The following DISC1 variants were observed in gnomAD, a reference collection of about 807,000 sequenced individuals.
The protein encoded by DISC1 is disrupted in schizophrenia 1 protein.
Under a neutral mutation model 84.5 loss-of-function variants are expected in DISC1, and 57 were observed. That is an observed-to-expected ratio of 0.67 (90% confidence interval 0.55 to 0.84). DISC1 has a LOEUF of 0.84. Ranked by LOEUF, DISC1 falls within the 40% of genes least tolerant of loss-of-function variation. The probability of loss-of-function intolerance (pLI) is 0.00; values close to 1 mark genes in which losing one functional copy is unlikely to be tolerated. For missense variants in DISC1, 1,000 were observed against 1,057.8 expected, an observed-to-expected ratio of 0.95 and a Z score of 0.76; for synonymous variants, 411 against 415.2, an observed-to-expected ratio of 0.99 and a Z score of 0.12.
chr1:232,035,096 C>T (rs185190798), intron 12 of DISC1, among the ~76,000 whole-genome samples: 2 of 152,196 alleles, frequency 1.3e-5, no homozygotes, highest in East Asian at 1.9e-4. Context: ...TGGTTCAGCA[C>T]GTTTGCTTAG....
At chr1:231,911,809 A>G (rs960576464) in intron 9 of DISC1, among the ~76,000 whole-genome samples, 1 of 152,100 alleles carries the variant, frequency 6.6e-6, no homozygotes, top group Non-Finnish European at 1.5e-5. Context: ...TTTCAGGTAC[A>G]CCAATCAGAC....
chr1:231,888,505 G>A (rs577194796), intron 9 of DISC1, among the ~76,000 whole-genome samples: 2 of 151,426 alleles, frequency 1.3e-5, no homozygotes, highest in African/African-American at 4.9e-5. Flanking sequence ...AGCACTTTGG[G>A]AGGCCGAGGG....
intron 1 of DISC1, among the ~76,000 whole-genome samples, chr1:231,641,067 G>C (rs1558221854): frequency 1.3e-5 from 2 of 152,230 alleles, no homozygotes. Flanking sequence ...TGATAGGCCT[G>C]AAGGAAAAGG....
chr1:231,738,990 T>G (rs1243738173), intron 3 of DISC1, among the ~76,000 whole-genome samples: 2 of 152,216 alleles, frequency 1.3e-5, no homozygotes, highest in African/African-American at 2.4e-5. Context: ...AGCCCTGGCC[T>G]CAGCCATTTC....
intron 3 of DISC1, among the ~76,000 whole-genome samples, chr1:231,739,463 C>T (rs2072961685): frequency 1.3e-5 from 2 of 152,254 alleles, no homozygotes; most frequent in South Asian, 4.1e-4. Context: ...ACGTGTGCTG[C>T]CAGATGCCTC....
intron 9 of DISC1, among the ~76,000 whole-genome samples, chr1:231,889,381 G>T (rs201901223): frequency 3.9e-5 from 6 of 152,168 alleles, no homozygotes; most frequent in African/African-American, 1.4e-4. Flanking sequence ...GAGGAAGATC[G>T]AGTGATAGGA....
chr1:231,749,238 G>A (rs2074338348), intron 3 of DISC1, among the ~76,000 whole-genome samples: 1 of 152,128 alleles, frequency 6.6e-6, no homozygotes, highest in African/African-American at 2.4e-5. Context: ...TTTGGTGGGG[G>A]TAGGGGGGCA....
At chr1:231,938,343 C>G (rs1403344092) in intron 9 of DISC1, among the ~76,000 whole-genome samples, 2 of 152,080 alleles carry the variant, frequency 1.3e-5, no homozygotes, top group Non-Finnish European at 2.9e-5. Flanking sequence ...GAGGGAGTGA[C>G]AGTGAGGTTT....
intron 9 of DISC1, among the ~76,000 whole-genome samples, chr1:231,936,464 G>A (rs199626165): frequency 4.6e-5 from 7 of 152,138 alleles, no homozygotes; most frequent in Admixed American, 1.3e-4. Context: ...TACCCACACC[G>A]TGAAAAATAG....
At chr1:231,941,310 CCT>C (rs1267746846) in intron 9 of DISC1, among the ~76,000 whole-genome samples, 1 of 152,106 alleles carries the variant, frequency 6.6e-6, no homozygotes, top group Non-Finnish European at 1.5e-5. Flanking sequence ...ATTCCCACTG[CCT>C]GTGCCCATCC....
At chr1:231,944,599 C>T (rs1490988146) in intron 9 of DISC1, among the ~76,000 whole-genome samples, 2 of 152,110 alleles carry the variant, frequency 1.3e-5, no homozygotes, top group Non-Finnish European at 2.9e-5. Context: ...TTAAACTCTA[C>T]CTCAGGGTCA....
At chr1:231,768,394 A>T (rs2076313976) in intron 5 of DISC1, among the ~76,000 whole-genome samples, 1 of 152,178 alleles carries the variant, frequency 6.6e-6, no homozygotes, top group Admixed American at 6.5e-5. Context: ...GGGAGGAAAA[A>T]GTCAGGGCAA....
chr1:231,978,347 T>C (rs1663108473), intron 10 of DISC1, among the ~76,000 whole-genome samples: 1 of 152,186 alleles, frequency 6.6e-6, no homozygotes, highest in Non-Finnish European at 1.5e-5. Flanking sequence ...CATTACTTCA[T>C]GAGGGGGGGT....
chr1:231,952,386 A>C (rs1399813214), intron 9 of DISC1, among the ~76,000 whole-genome samples: 2 of 152,046 alleles, frequency 1.3e-5, no homozygotes, highest in Non-Finnish European at 2.9e-5. Context: ...GATCTAGAGA[A>C]TTTATATTGA....
chr1:231,672,546 GTGTT>G (rs2125469261), intron 1 of DISC1, among the ~76,000 whole-genome samples: 2 of 152,276 alleles, frequency 1.3e-5, no homozygotes, highest in South Asian at 4.1e-4. Flanking sequence ...ATTTGTTTGT[GTGTT>G]TGTTTGAAGC....
chr1:231,646,021 G>A (rs2060097657), intron 1 of DISC1, among the ~76,000 whole-genome samples: 1 of 150,568 alleles, frequency 6.6e-6, no homozygotes, highest in Non-Finnish European at 1.5e-5. Flanking sequence ...CACATCTACA[G>A]AACAGTCTAT....
At chr1:231,894,439 T>TC (rs1042803442) in intron 9 of DISC1, among the ~76,000 whole-genome samples, 3 of 152,184 alleles carry the variant, frequency 2.0e-5, no homozygotes. Flanking sequence ...TGTCTTTTTT[T>TC]CCCTCAGTGT....
At chr1:231,803,321 A>G (rs2079426206) in intron 8 of DISC1, among the ~76,000 whole-genome samples, 2 of 152,216 alleles carry the variant, frequency 1.3e-5, no homozygotes, top group Admixed American at 1.3e-4. Flanking sequence ...ACTGGTATGC[A>G]TCTCTATTAA....
At chr1:231,910,263 T>C (rs2089079878) in intron 9 of DISC1, among the ~76,000 whole-genome samples, 1 of 152,240 alleles carries the variant, frequency 6.6e-6, no homozygotes, top group Non-Finnish European at 1.5e-5. Context: ...TTAATTGTGA[T>C]GTTACGGTGT....
Sources: allele counts gnomAD v4.1 joint callset (sites outside exome capture counted in the v4.1 genomes callset), GRCh38; gene constraint gnomAD v4.1.1; transcripts MANE v1.5; gene names NCBI Gene and HGNC (gene_info 2026-07-23, HGNC 2026-07-21).